The following CNNM2 variants were observed in gnomAD, a reference collection of about 807,000 sequenced individuals.
CNNM2 encodes metal transporter CNNM2.
CNNM2 carries 12 observed loss-of-function variants against 66.9 expected under a neutral mutation model. The ratio of observed to expected loss-of-function variants is 0.18; its 90% CI spans 0.11 to 0.29. The LOEUF is 0.29. Among genes scored for constraint, CNNM2 ranks in the 10% least tolerant of loss-of-function variants. The pLI is 1.00. For synonymous variants in CNNM2, 557 were observed against 501.8 expected, an observed-to-expected ratio of 1.11 and a Z score of -1.47; for missense variants, 705 against 1,167.7, an observed-to-expected ratio of 0.60 and a Z score of 5.77.
intron 1 of CNNM2, among the ~76,000 whole-genome samples, chr10:102,979,915 T>C (rs1399535841): frequency 1.3e-5 from 2 of 148,958 alleles, no homozygotes; most frequent in Non-Finnish European, 3.0e-5. Flanking sequence ...CTTTCTTTTC[T>C]TTTTATTTTT....
rs185324260 is a variant in CNNM2, at chr10:103,083,430, A to G, written c.*6250A>G. 1 of 152,144 alleles carries G rather than the reference A, an allele frequency of 6.6e-6. No individual in the cohort carries two copies. Among genetic ancestry groups the G allele is most frequent in the Admixed American group, 6.5e-5 (1 of 15,278 alleles). The allele number at this position is 152,144 out of a possible 1,614,324, so 9.4% of individuals were successfully genotyped here. ...TTCCCTCTTCCCTTTCATCTGTGCA[A>G]CACCAACCATGCCATTGTATTCAGC... is the stretch of plus-strand genomic sequence containing the variant. On this transcript the variant is annotated 3_prime_UTR_variant, in exon 8 of 8. Transcript: ENST00000369878.
intron 1 of CNNM2, among the ~76,000 whole-genome samples, chr10:102,984,667 A>G (rs1441186615): frequency 1.3e-5 from 2 of 152,060 alleles, no homozygotes; most frequent in African/African-American, 4.8e-5. Context: ...CCTTACTTCT[A>G]TCTTATTTTT....
intron 1 of CNNM2, among the ~76,000 whole-genome samples, chr10:102,997,801 C>A (rs948688362): frequency 7.9e-5 from 12 of 151,964 alleles, no homozygotes; most frequent in African/African-American, 2.9e-4. Context: ...GTTTGCAGTC[C>A]CATTAGATTT....
intron 4 of CNNM2, among the ~76,000 whole-genome samples, chr10:103,066,580 G>T (rs915810605): frequency 6.6e-6 from 1 of 152,202 alleles, no homozygotes; most frequent in African/African-American, 2.4e-5. Flanking sequence ...CAAACACAGA[G>T]CCTGGCCGGC....
intron 1 of CNNM2, among the ~76,000 whole-genome samples, chr10:103,008,382 G>T (rs1025223480): frequency 1.6e-4 from 25 of 152,190 alleles, no homozygotes; most frequent in African/African-American, 6.0e-4. Context: ...GGGCTTGTGT[G>T]ATGGCATGTG....
Position 103,077,560 on chromosome 10 carries a change from C to T in CNNM2, c.*380C>T, listed in dbSNP as rs1470324442. The T allele has an allele frequency of 4.3e-6, 1 of 234,266 alleles. No homozygotes were observed. The highest frequency in any genetic ancestry group is 8.5e-6 in the Non-Finnish European group (1 of 117,974). The allele number at this position is 234,266 out of a possible 1,614,324, so 14.5% of individuals were successfully genotyped here. On this transcript the variant is annotated 3_prime_UTR_variant, in exon 8 of 8. Coordinates refer to ENST00000369878, the MANE Select transcript of CNNM2 (RefSeq NM_017649.5). ...GATCATGTTTTTAAAGTGTCTTTTGCAGAGTTTTAAGTTGTTCTGTCTGAA... is the reference window on the plus strand; with the variant it reads ...GATCATGTTTTTAAAGTGTCTTTTGTAGAGTTTTAAGTTGTTCTGTCTGAA...
intron 1 of CNNM2, among the ~76,000 whole-genome samples, chr10:103,004,392 T>G (rs972693311): frequency 1.3e-5 from 2 of 152,236 alleles, no homozygotes; most frequent in African/African-American, 4.8e-5. Flanking sequence ...AGTGTTGCTA[T>G]GAATATTCTC....
At chr10:102,940,575 T>C (rs541468302) in intron 1 of CNNM2, among the ~76,000 whole-genome samples, 281 of 148,366 alleles carry the variant, frequency 1.9e-3, no homozygotes, top group Middle Eastern at 7.9e-3. Flanking sequence ...CCTGCCACCA[T>C]GCCTGGCTAA....
chr10:103,032,887 G>A (rs1414815898), intron 1 of CNNM2, among the ~76,000 whole-genome samples: 1 of 151,808 alleles, frequency 6.6e-6, no homozygotes, highest in Non-Finnish European at 1.5e-5. Context: ...GGAGGCTGAG[G>A]TGGATGGATT....
At chr10:102,967,081 G>A (rs1356811681) in intron 1 of CNNM2, among the ~76,000 whole-genome samples, 1 of 152,082 alleles carries the variant, frequency 6.6e-6, no homozygotes, top group Admixed American at 6.6e-5. Context: ...CCAGTATCTG[G>A]GATTACAGGT....
At chr10:102,988,289 C>T (rs554276320) in intron 1 of CNNM2, among the ~76,000 whole-genome samples, 3 of 151,826 alleles carry the variant, frequency 2.0e-5, no homozygotes, top group Non-Finnish European at 4.4e-5. Flanking sequence ...GGCAACAGAG[C>T]GAGGCTGTTT....
At position 103,077,280 on chromosome 10, in the gene CNNM2, T is replaced by C. The variant is rs1325481166; in HGVS notation, c.*100T>C. ...ACTGGTGTGAGCTTGTCCGCCATGC[T>C]GTACCCTGCAACATCCTGAGACCAA... On this transcript the variant is annotated 3_prime_UTR_variant, in exon 8 of 8. Transcript: ENST00000369878. 5 of 1,075,466 alleles carry C rather than the reference T, an allele frequency of 4.6e-6. 1 individual carries two copies. The highest frequency in any genetic ancestry group is 5.4e-6 in the Non-Finnish European group (4 of 734,338). The allele number at this position is 1,075,466 out of a possible 1,614,324, so 66.6% of individuals were successfully genotyped here.
At chr10:102,983,249 A>G (rs2063744158) in intron 1 of CNNM2, among the ~76,000 whole-genome samples, 1 of 150,558 alleles carries the variant, frequency 6.6e-6, no homozygotes, top group African/African-American at 2.4e-5. Flanking sequence ...GGAGTAAAAT[A>G]TATGCTATAT....
chr10:103,041,890 C>T (rs1023931974), intron 1 of CNNM2, among the ~76,000 whole-genome samples: 2 of 152,160 alleles, frequency 1.3e-5, no homozygotes, highest in African/African-American at 4.8e-5. Flanking sequence ...AGCGCTGGCT[C>T]TTTTCGCCAT....
intron 1 of CNNM2, among the ~76,000 whole-genome samples, chr10:102,984,445 T>A (rs1443664326): frequency 6.6e-6 from 1 of 152,192 alleles, no homozygotes; most frequent in African/African-American, 2.4e-5. Flanking sequence ...AATAATTTCT[T>A]AGTCCCAGTA....
Position 102,919,593 on chromosome 10 carries a change from G to A in CNNM2, c.1113G>A (p.Val371=). Residue 371 remains valine, a synonymous_variant, in exon 1 of 8, where the codon GTG becomes GTA. Transcript: ENST00000369878. The part of the protein sequence containing the change: ...QAICSRHGLA[V]GANTIFLTKF... ...TCTGCTCCCGGCATGGCCTGGCTGT[G>A]GGGGCCAACACCATCTTCCTCACCA... The A allele has an allele frequency of 6.2e-7, 1 of 1,613,628 alleles. No individual in the cohort carries two copies. Among genetic ancestry groups the A allele is most frequent in the South Asian group, 1.1e-5 (1 of 91,084 alleles).
intron 1 of CNNM2, among the ~76,000 whole-genome samples, chr10:103,031,356 G>A (rs2064815771): frequency 6.6e-6 from 1 of 151,906 alleles, no homozygotes; most frequent in Non-Finnish European, 1.5e-5. Flanking sequence ...GTTAAGCTGT[G>A]GATATACACT....
In CNNM2 at chr10:102,935,605, A is replaced by AT. The variant is rs34763981; in HGVS notation, c.1621+15523dup. Among the ~76,000 whole-genome samples the AT allele has an allele frequency of 0.27, 34,754 of 127,870 alleles. 5,207 individuals are homozygous for AT. The highest frequency in any genetic ancestry group is 0.46 in the East Asian group (2,073 of 4,498). The allele number at this position is 127,870 out of a possible 152,430, so 83.9% of individuals were successfully genotyped here. A position where few individuals can be genotyped will look rare whatever the true frequency, so the allele number is the denominator to read the frequency against. Reference sequence around the variant, plus strand: ...GAGCAGTATGGTCCTTTAAAAAAAAATTTTTTTTTTTTTTTTTTTGAGACA... The same window carrying AT: ...GAGCAGTATGGTCCTTTAAAAAAAAATTTTTTTTTTTTTTTTTTTTGAGACA... On this transcript the variant is annotated intron_variant, in intron 1 of 7. Transcript: ENST00000369878.
At position 103,052,051 on chromosome 10, in the gene CNNM2, C is replaced by T. The variant is rs113661706; in HGVS notation, c.1765+2201C>T. Among the ~76,000 whole-genome samples, 703 of 151,734 alleles carry T rather than the reference C, an allele frequency of 4.6e-3. 3 individuals carry two copies. The highest frequency in any genetic ancestry group is 7.4e-3 in the Admixed American group (112 of 15,212). On this transcript the variant is annotated intron_variant, in intron 2 of 7. Coordinates refer to ENST00000369878, the MANE Select transcript of CNNM2 (RefSeq NM_017649.5). Reference sequence around the variant, plus strand: ...CAGCACTTTGGGAGGGCGAGGCAGGCGGATCATGAGGTCAAGAGATGGAGA... The same window carrying T: ...CAGCACTTTGGGAGGGCGAGGCAGGTGGATCATGAGGTCAAGAGATGGAGA...
Sources: gnomAD v4.1 joint callset for allele counts (sites outside exome capture counted in the v4.1 genomes callset) on GRCh38, gnomAD v4.1.1 for gene constraint, MANE v1.5 for transcripts, NCBI Gene and HGNC (gene_info 2026-07-23, HGNC 2026-07-21) for gene names.